FERRY3: variants seen among roughly 807,000 people sequenced by gnomAD.
FERRY3 encodes FERRY endosomal RAB5 effector complex subunit 3.
the FERRY3 span, among the ~76,000 whole-genome samples, chr12:4,498,562 C>T: frequency 6.6e-5 from 10 of 152,174 alleles, no homozygotes; most frequent in Non-Finnish European, 1.0e-4. Flanking sequence ...ATCAAAACAA[C>T]AACGTGCCTG....
the FERRY3 span, among the ~76,000 whole-genome samples, chr12:4,504,912 G>A: frequency 2.0e-5 from 3 of 152,116 alleles, no homozygotes; most frequent in African/African-American, 7.2e-5. Flanking sequence ...AGACCAGCCC[G>A]GCCAACATGG....
At chr12:4,515,859 G>A in the FERRY3 span, among the ~76,000 whole-genome samples, 11 of 152,194 alleles carry the variant, frequency 7.2e-5, no homozygotes, top group South Asian at 4.2e-4. Context: ...ATGCTAATTC[G>A]TTTGAAGTAA....
At chr12:4,491,568 C>T in the FERRY3 span, among the ~76,000 whole-genome samples, 13 of 152,160 alleles carry the variant, frequency 8.5e-5, no homozygotes, top group Non-Finnish European at 1.6e-4. Context: ...AATTCTATTG[C>T]ACTGTATATT....
chr12:4,514,457 T>C, the FERRY3 span, among the ~76,000 whole-genome samples: 24 of 152,204 alleles, frequency 1.6e-4, no homozygotes, highest in Admixed American at 1.6e-3. Flanking sequence ...GTATGTTTAC[T>C]GCGGCATTAT....
the FERRY3 span, among the ~76,000 whole-genome samples, chr12:4,523,389 G>C: frequency 1.3e-5 from 2 of 152,188 alleles, no homozygotes; most frequent in Admixed American, 6.5e-5. Flanking sequence ...AACCATTGTG[G>C]AAGACAGTGT....
chr12:4,514,924 CTAAA>C, the FERRY3 span, among the ~76,000 whole-genome samples: 2,888 of 150,686 alleles, frequency 0.019, 95 homozygotes, highest in African/African-American at 0.066. Context: ...TAGGTCCTAA[CTAAA>C]CAAACCTATG....
At chr12:4,505,232 A>G in the FERRY3 span, 2 of 915,136 alleles carry the variant, frequency 2.2e-6, no homozygotes, top group East Asian at 5.1e-5. Flanking sequence ...TAAAACATAA[A>G]TTCCTATGGT....
the FERRY3 span, among the ~76,000 whole-genome samples, chr12:4,507,624 A>G: frequency 9.9e-5 from 15 of 152,232 alleles, no homozygotes; most frequent in African/African-American, 3.4e-4. Flanking sequence ...ATTACTACTT[A>G]TAGTAACAAA....
the FERRY3 span, among the ~76,000 whole-genome samples, chr12:4,503,283 T>A: frequency 1.3e-5 from 2 of 152,330 alleles, no homozygotes; most frequent in African/African-American, 4.8e-5. Context: ...CCAGATTGGA[T>A]GTTAAGAAGA....
the FERRY3 span, chr12:4,489,944 G>T: frequency 8.0e-7 from 1 of 1,257,460 alleles, no homozygotes; most frequent in South Asian, 1.3e-5. Flanking sequence ...AATCATCATT[G>T]ATTTTAAAAA....
At chr12:4,517,141 A>G in the FERRY3 span, 1,248 of 1,594,086 alleles carry the variant, frequency 7.8e-4, 9 homozygotes, top group South Asian at 6.5e-3. Context: ...TTGCTCTTCA[A>G]TTCGGGGGAA....
the FERRY3 span, among the ~76,000 whole-genome samples, chr12:4,521,069 A>G: frequency 1.3e-5 from 2 of 152,130 alleles, no homozygotes; most frequent in Admixed American, 1.3e-4. Context: ...AAAAGAAAAG[A>G]AGAAAAATAG....
At chr12:4,510,769 CGG>C in the FERRY3 span, among the ~76,000 whole-genome samples, 2,289 of 145,004 alleles carry the variant, frequency 0.016, 75 homozygotes, top group African/African-American at 0.057. Context: ...AAGGAACAAC[CGG>C]TACCAGCCGC....
At chr12:4,538,190 T>C in the FERRY3 span, among the ~76,000 whole-genome samples, 8 of 152,218 alleles carry the variant, frequency 5.3e-5, no homozygotes, top group Non-Finnish European at 8.8e-5. Context: ...GGTTCAGTTT[T>C]AGCAACCGTG....
the FERRY3 span, chr12:4,490,483 A>C: frequency 1.5e-5 from 22 of 1,468,306 alleles, no homozygotes; most frequent in Non-Finnish European, 2.0e-5. Flanking sequence ...ATCTAATAAA[A>C]GAGATTAAAT....
At chr12:4,532,517 G>A in the FERRY3 span, among the ~76,000 whole-genome samples, 1 of 152,132 alleles carries the variant, frequency 6.6e-6, no homozygotes, top group South Asian at 2.1e-4. Context: ...GATAGTCATC[G>A]TTTACCTGCA....
chr12:4,490,383 A>C, the FERRY3 span: 26 of 606,728 alleles, frequency 4.3e-5, no homozygotes, highest in Non-Finnish European at 6.9e-5. Flanking sequence ...TCACATCCAA[A>C]TACTTCTCTC....
the FERRY3 span, among the ~76,000 whole-genome samples, chr12:4,506,221 A>G: frequency 6.6e-6 from 1 of 152,200 alleles, no homozygotes; most frequent in African/African-American, 2.4e-5. Flanking sequence ...AAGAGATTGC[A>G]TATTTATTCC....
the FERRY3 span, among the ~76,000 whole-genome samples, chr12:4,506,633 G>A: frequency 7.2e-5 from 11 of 152,060 alleles, no homozygotes; most frequent in Non-Finnish European, 1.0e-4. Flanking sequence ...TTAAGTAAAC[G>A]AGAGAGAACA....
Sources: gnomAD v4.1 joint callset for allele counts (sites outside exome capture counted in the v4.1 genomes callset) on GRCh38, gnomAD v4.1.1 for gene constraint, MANE v1.5 for transcripts, NCBI Gene and HGNC (gene_info 2026-07-23, HGNC 2026-07-21) for gene names.